Variants in ESRRG observed in about 807,000 individuals in gnomAD.
ESRRG encodes estrogen related receptor gamma.
A neutral mutation model predicts 44.0 loss-of-function variants in ESRRG; 13 were observed. The observed-to-expected ratio is 0.30, with a 90% CI of 0.19 to 0.47. The LOEUF (loss-of-function observed/expected upper bound fraction) is 0.47, where lower values mean the gene tolerates loss of function less well. Among genes scored for constraint, ESRRG ranks in the 20% least tolerant of loss-of-function variants. The pLI is 1.00. For missense variants in ESRRG, 395 were observed against 580.6 expected (o/e 0.68, Z 3.29); for synonymous variants, 215 against 214.6 (o/e 1.00, Z -0.02).
intron 1 of ESRRG, among the ~76,000 whole-genome samples, chr1:217,099,985 GA>G (rs5780965): frequency 0.11 from 15,177 of 136,938 alleles, 858 homozygotes; most frequent in Middle Eastern, 0.18. Flanking sequence ...TTTTTATCCA[GA>G]AAAAAAAAAA....
At chr1:216,716,276 C>T (rs915820838) in intron 1 of ESRRG, among the ~76,000 whole-genome samples, 2 of 151,894 alleles carry the variant, frequency 1.3e-5, no homozygotes, top group Non-Finnish European at 2.9e-5. Flanking sequence ...TTCTTGGAAA[C>T]TTATTGCTAT....
chr1:217,126,456 A>G (rs1235508733), intron 1 of ESRRG, among the ~76,000 whole-genome samples: 1 of 152,174 alleles, frequency 6.6e-6, no homozygotes, highest in Non-Finnish European at 1.5e-5. Flanking sequence ...TGTGCTGTAT[A>G]CACCCATGCC....
intron 2 of ESRRG, among the ~76,000 whole-genome samples, chr1:216,662,281 C>CT (rs2072672338): frequency 6.6e-6 from 1 of 152,038 alleles, no homozygotes; most frequent in African/African-American, 2.4e-5. Flanking sequence ...AGCCAAAAGA[C>CT]AAAGAACTGA....
At chr1:217,067,007 G>C (rs1033939937) in intron 1 of ESRRG, among the ~76,000 whole-genome samples, 3 of 152,208 alleles carry the variant, frequency 2.0e-5, no homozygotes, top group African/African-American at 7.2e-5. Flanking sequence ...GAAACCCATT[G>C]CCTAACAGGA....
At chr1:216,546,859 G>T (rs2054666144) in intron 5 of ESRRG, among the ~76,000 whole-genome samples, 1 of 151,690 alleles carries the variant, frequency 6.6e-6, no homozygotes, top group African/African-American at 2.4e-5. Context: ...AGAACGTGCA[G>T]ATTTGTTATA....
chr1:216,984,863 C>G (rs890529489), intron 1 of ESRRG, among the ~76,000 whole-genome samples: 2 of 152,218 alleles, frequency 1.3e-5, no homozygotes, highest in African/African-American at 4.8e-5. Context: ...ATCCCATTAA[C>G]ACATATATGT....
chr1:216,565,260 G>C (rs1573083279), intron 4 of ESRRG, among the ~76,000 whole-genome samples: 1 of 152,310 alleles, frequency 6.6e-6, no homozygotes, highest in Middle Eastern at 3.4e-3. Context: ...GGGCTGTAAA[G>C]TCTTGGTAAC....
intron 5 of ESRRG, among the ~76,000 whole-genome samples, chr1:216,526,845 T>C (rs1050925290): frequency 2.6e-5 from 4 of 152,160 alleles, no homozygotes; most frequent in Non-Finnish European, 5.9e-5. Context: ...GGGTGCCATC[T>C]CTGCCACCAA....
At chr1:216,686,119 T>G (rs1244818574) in intron 1 of ESRRG, 1 of 152,184 alleles carries the variant, frequency 6.6e-6, no homozygotes, top group African/African-American at 2.4e-5. Context: ...CATCTGGATG[T>G]AAATGCAGCT....
chr1:217,125,650 G>T (rs1205811611), intron 1 of ESRRG, among the ~76,000 whole-genome samples: 1 of 152,140 alleles, frequency 6.6e-6, no homozygotes, highest in Non-Finnish European at 1.5e-5. Context: ...AAAACTATAT[G>T]ATAAAAACAT....
upstream of ESRRG, among the ~76,000 whole-genome samples, chr1:217,090,250 A>C (rs1033438599): frequency 6.6e-6 from 1 of 152,068 alleles, no homozygotes; most frequent in African/African-American, 2.4e-5. Flanking sequence ...TTCAGTGCCA[A>C]CTGCTCCCTT....
intron 3 of ESRRG, among the ~76,000 whole-genome samples, chr1:216,599,862 G>C (rs532684871): frequency 6.6e-6 from 1 of 151,778 alleles, no homozygotes; most frequent in Admixed American, 6.6e-5. Context: ...GGTACCCTAT[G>C]CATTTTTAAC....
In ESRRG at chr1:217,080,368, A is replaced by G. The variant is rs539194265; in HGVS notation, c.-106+9139T>C. Among the ~76,000 whole-genome samples, 35 of 152,288 alleles carry G rather than the reference A, an allele frequency of 2.3e-4. No homozygotes were observed. In the East Asian group the frequency reaches 6.6e-3, roughly 29 times the overall value. ...ACAGAAAGCTGGAATCCTTCAATAA[A>G]TGATGGTTTGGAGGTTATATGTGGC... On this transcript the variant is annotated intron_variant, in intron 1 of 7. Transcript: ENST00000359162.
At chr1:216,730,317 A>AAG (rs1553549448) in intron 2 of ESRRG, among the ~76,000 whole-genome samples, 6 of 151,574 alleles carry the variant, frequency 4.0e-5, no homozygotes, top group Non-Finnish European at 8.8e-5. Flanking sequence ...AAAAAAAAAA[A>AAG]AAAAAGAAAG....
chr1:216,839,965 T>C (rs2095625970), intron 2 of ESRRG, among the ~76,000 whole-genome samples: 1 of 152,178 alleles, frequency 6.6e-6, no homozygotes, highest in South Asian at 2.1e-4. Context: ...CCTAGCATTT[T>C]CAAAATGGTA....
intron 3 of ESRRG, among the ~76,000 whole-genome samples, chr1:216,602,386 G>T (rs2059368111): frequency 6.6e-6 from 1 of 152,186 alleles, no homozygotes; most frequent in African/African-American, 2.4e-5. Context: ...AATGTTGTTT[G>T]TGAAGGCAAA....
At chr1:216,657,326 G>A (rs1049331535) in intron 2 of ESRRG, among the ~76,000 whole-genome samples, 1 of 152,116 alleles carries the variant, frequency 6.6e-6, no homozygotes, top group Non-Finnish European at 1.5e-5. Flanking sequence ...TCCACAGTTC[G>A]ACTTTAAATA....
chr1:216,940,083 A>G (rs1350504318), intron 1 of ESRRG, among the ~76,000 whole-genome samples: 3 of 152,216 alleles, frequency 2.0e-5, no homozygotes, highest in Non-Finnish European at 4.4e-5. Flanking sequence ...CTTACTTCAC[A>G]TTAGTCTCAA....
At chr1:217,065,477 G>A (rs1265014605) in intron 1 of ESRRG, among the ~76,000 whole-genome samples, 4 of 152,168 alleles carry the variant, frequency 2.6e-5, no homozygotes, top group African/African-American at 9.7e-5. Flanking sequence ...TCAAACATGA[G>A]GTTTCAGTGG....
Sources: allele counts gnomAD v4.1 joint callset (sites outside exome capture counted in the v4.1 genomes callset), GRCh38; gene constraint gnomAD v4.1.1; transcripts MANE v1.5; gene names NCBI Gene and HGNC (gene_info 2026-07-23, HGNC 2026-07-21).